The following ASAP2 variants were observed in gnomAD, a reference collection of about 807,000 sequenced individuals.
ASAP2 encodes arf-GAP with SH3 domain, ANK repeat and PH domain-containing protein 2.
ASAP2 carries 45 observed loss-of-function variants against 131.4 expected under a neutral mutation model. That is an observed-to-expected ratio of 0.34 (90% CI 0.27 to 0.44). The LOEUF is 0.44. ASAP2 is among the 20% of genes least tolerant of loss of function. ASAP2 has a pLI of 1.00. For synonymous variants in ASAP2, 510 were observed against 503.0 expected (o/e 1.01, Z -0.19); for missense variants, 1,011 against 1,297.0 (o/e 0.78, Z 3.39).
At position 9,404,391 on chromosome 2, in the gene ASAP2, A is replaced by C. The variant is rs566311442; in HGVS notation, c.*1064A>C. ...TAGGTCCCAGGTAATACTCCCAAAC[A>C]TCCCACTTTTTACTGTTTCAGGCCA... On this transcript the variant is annotated 3_prime_UTR_variant, in exon 28 of 28. Coordinates refer to ENST00000281419, the MANE Select transcript of ASAP2 (RefSeq NM_003887.3). The C allele has an allele frequency of 6.6e-6, 1 of 152,218 alleles. No individual in the cohort carries two copies. The highest frequency in any genetic ancestry group is 6.5e-5 in the Admixed American group (1 of 15,284). The allele number at this position is 152,218 out of a possible 1,614,324, so 9.4% of individuals were successfully genotyped here. A position where few individuals can be genotyped will look rare whatever the true frequency, so the allele number is the denominator to read the frequency against.
chr2:9,358,829 G>A lies in ASAP2; in HGVS notation c.1401G>A (p.Gly467=), dbSNP rs994810904. The change falls in exon 15 of 28, where the codon GGG becomes GGA. Residue 467 remains glycine, a synonymous_variant. Coordinates refer to ENST00000281419, the MANE Select transcript of ASAP2 (RefSeq NM_003887.3). ...IECSGIHREL[G]VHYSRMQSLT... is the part of the protein sequence containing the mutation. Reference sequence around the variant, plus strand: ...GTTCCGGAATCCACCGAGAGCTGGGGGTTCATTATTCCAGGATGCAGTCCC... The same window carrying A: ...GTTCCGGAATCCACCGAGAGCTGGGAGTTCATTATTCCAGGATGCAGTCCC... 6.2e-7 allele frequency: 1 copy of A among 1,613,536 alleles called. No homozygotes were observed. The highest frequency in any genetic ancestry group is 8.5e-7 in the Non-Finnish European group (1 of 1,179,892).
intron 3 of ASAP2, among the ~76,000 whole-genome samples, chr2:9,316,175 A>G (rs994185287): frequency 6.6e-6 from 1 of 152,050 alleles, no homozygotes; most frequent in Non-Finnish European, 1.5e-5. Context: ...AAAAAAAATT[A>G]GCCAAGCATG....
At chr2:9,220,869 A>G (rs1198254552) in intron 1 of ASAP2, among the ~76,000 whole-genome samples, 2 of 152,170 alleles carry the variant, frequency 1.3e-5, no homozygotes, top group East Asian at 1.9e-4. Flanking sequence ...ATTCTTTTGC[A>G]TATGGATATA....
chr2:9,378,678 C>A (rs75121199), intron 18 of ASAP2, among the ~76,000 whole-genome samples: 2,830 of 152,308 alleles, frequency 0.019, 103 homozygotes, highest in African/African-American at 0.064. Flanking sequence ...CCCACATGCT[C>A]AGCAACAACA....
intron 2 of ASAP2, among the ~76,000 whole-genome samples, chr2:9,288,839 G>C (rs1294991521): frequency 6.6e-6 from 1 of 151,998 alleles, no homozygotes; most frequent in Non-Finnish European, 1.5e-5. Flanking sequence ...TTTGGTCTCA[G>C]AGCACCCCTA....
chr2:9,221,327 T>C (rs1415429245), intron 1 of ASAP2, among the ~76,000 whole-genome samples: 1 of 150,478 alleles, frequency 6.6e-6, no homozygotes, highest in East Asian at 1.9e-4. Context: ...TCTTTTCTTT[T>C]TTTTTTTTTT....
intron 14 of ASAP2, among the ~76,000 whole-genome samples, chr2:9,357,931 G>A (rs1441672822): frequency 6.6e-6 from 1 of 152,166 alleles, no homozygotes; most frequent in Non-Finnish European, 1.5e-5. Flanking sequence ...TGTACTCAAG[G>A]ACATCTTATT....
chr2:9,215,562 C>A (rs1400826838), intron 1 of ASAP2, among the ~76,000 whole-genome samples: 2 of 151,614 alleles, frequency 1.3e-5, no homozygotes, highest in Non-Finnish European at 2.9e-5. Context: ...TTCAGTTAGA[C>A]CCTAATGAAA....
chr2:9,294,362 G>A (rs1484066597), intron 2 of ASAP2, among the ~76,000 whole-genome samples: 1 of 152,118 alleles, frequency 6.6e-6, no homozygotes, highest in South Asian at 2.1e-4. Flanking sequence ...GAGCCCAGAA[G>A]GAGGGATGAT....
chr2:9,297,215 A>G, intron 2 of ASAP2, 85 bp from the exon 3 acceptor site: 1 of 1,524,564 alleles, frequency 6.6e-7, no homozygotes, highest in Non-Finnish European at 9.0e-7. Context: ...TGATGTGTTC[A>G]GTGTTATTCA....
rs372362702 is a variant in ASAP2, at chr2:9,296,922, A to G, written c.200-378A>G. On this transcript the variant is annotated intron_variant, in intron 2 of 27. Coordinates refer to ENST00000281419, the MANE Select transcript of ASAP2 (RefSeq NM_003887.3). ...ATCAGAGTCCTGGGCTGCAGGCTAG[A>G]GAGGAATGGGGCATCTGTGGTTGAG... Among the ~76,000 whole-genome samples the G allele has an allele frequency of 4.6e-5, 7 of 152,278 alleles. No individual in the cohort carries two copies. In the East Asian group the frequency reaches 1.4e-3, roughly 29 times the overall value.
chr2:9,364,148 C>G (rs1350051322), intron 15 of ASAP2, among the ~76,000 whole-genome samples: 1 of 152,150 alleles, frequency 6.6e-6, no homozygotes, highest in Non-Finnish European at 1.5e-5. Context: ...ATCAATTTCA[C>G]TATCATACAT....
intron 20 of ASAP2, among the ~76,000 whole-genome samples, chr2:9,384,491 C>T (rs1303309033): frequency 6.6e-6 from 1 of 152,218 alleles, no homozygotes. Context: ...GACTGTCTTC[C>T]ACCCCAGACA....
chr2:9,333,863 TA>T (rs1171572954), intron 7 of ASAP2, among the ~76,000 whole-genome samples: 1 of 152,132 alleles, frequency 6.6e-6, no homozygotes, highest in Non-Finnish European at 1.5e-5. Flanking sequence ...AATCACTTGT[TA>T]TAGGTGACCT....
At chr2:9,267,983 T>C (rs1350395211) in intron 1 of ASAP2, among the ~76,000 whole-genome samples, 1 of 149,176 alleles carries the variant, frequency 6.7e-6, no homozygotes, top group Non-Finnish European at 1.5e-5. Context: ...GCCTGTCCCA[T>C]CGTAACGCCC....
chr2:9,221,568 G>A (rs989429556), intron 1 of ASAP2, among the ~76,000 whole-genome samples: 1 of 150,626 alleles, frequency 6.6e-6, no homozygotes, highest in Non-Finnish European at 1.5e-5. Context: ...TGATGTGAGT[G>A]GAATTGTTTT....
intron 3 of ASAP2, among the ~76,000 whole-genome samples, chr2:9,303,921 G>C (rs1359205866): frequency 1.3e-5 from 2 of 152,248 alleles, no homozygotes; most frequent in African/African-American, 4.8e-5. Flanking sequence ...AGAACTCACA[G>C]AGACGAGGAC....
At chr2:9,287,348 G>T (rs1667530939) in intron 2 of ASAP2, among the ~76,000 whole-genome samples, 1 of 152,246 alleles carries the variant, frequency 6.6e-6, no homozygotes, top group Admixed American at 6.5e-5. Context: ...CATGACCTCA[G>T]TGAAGTCTTT....
chr2:9,398,017 C>G (rs1473357762), intron 24 of ASAP2, among the ~76,000 whole-genome samples: 3 of 151,422 alleles, frequency 2.0e-5, no homozygotes, highest in African/African-American at 7.3e-5. Flanking sequence ...CTCGGCCTCC[C>G]AAAGTGCTGG....
Sources: allele counts gnomAD v4.1 joint callset (sites outside exome capture counted in the v4.1 genomes callset), GRCh38; gene constraint gnomAD v4.1.1; transcripts MANE v1.5; gene names NCBI Gene and HGNC (gene_info 2026-07-23, HGNC 2026-07-21).